PPP1R37: variants seen among roughly 807,000 people sequenced by gnomAD.
PPP1R37 encodes leucine rich repeat containing 68.
In PPP1R37, 21 loss-of-function variants were observed where a neutral mutation model predicts 61.0. The ratio of observed to expected loss-of-function variants is 0.34; its 90% CI spans 0.24 to 0.50. PPP1R37 has a LOEUF of 0.50. Among genes scored for constraint, PPP1R37 ranks in the 20% least tolerant of loss-of-function variants. The pLI, the probability that PPP1R37 is intolerant of heterozygous loss-of-function variation, is 0.98. For synonymous variants in PPP1R37, 443 were observed against 433.5 expected, an observed-to-expected ratio of 1.02 and a Z score of -0.27; for missense variants, 910 against 952.7, an observed-to-expected ratio of 0.96 and a Z score of 0.59.
intron 2 of PPP1R37, among the ~76,000 whole-genome samples, chr19:45,138,869 G>A (rs192974816): frequency 1.3e-5 from 2 of 148,702 alleles, no homozygotes; most frequent in East Asian, 2.0e-4. Context: ...GCATATCTAC[G>A]ATTCTTGTGA....
At chr19:45,126,060 G>A (rs921091232) in intron 1 of PPP1R37, among the ~76,000 whole-genome samples, 1 of 152,198 alleles carries the variant, frequency 6.6e-6, no homozygotes, top group African/African-American at 2.4e-5. Flanking sequence ...TGCCCAAGTC[G>A]TGGGGGCTGA....
chr19:45,144,526 C>G, intron 8 of PPP1R37: 1 of 345,958 alleles, frequency 2.9e-6, no homozygotes, highest in Non-Finnish European at 5.2e-6. Flanking sequence ...GCTCAAACCC[C>G]GGGATAAGAG....
In PPP1R37 at chr19:45,093,269, A is replaced by T. The variant is rs1465640561; in HGVS notation, c.-57A>T. On this transcript the variant is annotated 5_prime_UTR_variant, in exon 1 of 13. Transcript: ENST00000221462. Reference sequence around the variant, plus strand: ...CGGGACGGCGGGCGGACCCGGAGAGACAAATCCGGGGCCCGGGGCATGTCC... The same window carrying T: ...CGGGACGGCGGGCGGACCCGGAGAGTCAAATCCGGGGCCCGGGGCATGTCC... 2.4e-5 allele frequency: 31 copies of T among 1,302,006 alleles called. No homozygotes were observed. In the Admixed American group the frequency reaches 1.2e-3, roughly 51 times the overall value. The allele number at this position is 1,302,006 out of a possible 1,614,324, so 80.7% of individuals were successfully genotyped here.
intron 1 of PPP1R37, among the ~76,000 whole-genome samples, chr19:45,106,248 GTTTTTT>G (rs796161917): frequency 7.3e-5 from 11 of 149,858 alleles, no homozygotes; most frequent in Admixed American, 4.7e-4. Context: ...TTTTGTTTTT[GTTTTTT>G]TTTTGAGATG....
chr19:45,095,757 T>A, intron 1 of PPP1R37, among the ~76,000 whole-genome samples: 1 of 113,988 alleles, frequency 8.8e-6, no homozygotes, highest in Non-Finnish European at 2.0e-5. Flanking sequence ...AGACCCGGTC[T>A]TAAAAAAAAA....
intron 1 of PPP1R37, among the ~76,000 whole-genome samples, chr19:45,134,987 C>T (rs28620490): frequency 0.09 from 13,622 of 152,168 alleles, 740 homozygotes; most frequent in South Asian, 0.13. Flanking sequence ...CGGTGGCTCA[C>T]GCCTGTAATC....
intron 1 of PPP1R37, among the ~76,000 whole-genome samples, chr19:45,105,383 G>T (rs1181115526): frequency 6.6e-6 from 1 of 152,120 alleles, no homozygotes; most frequent in Non-Finnish European, 1.5e-5. Flanking sequence ...CCTCTCTGTG[G>T]GGCAGGATGG....
At chr19:45,114,042 G>A (rs1599695745) in intron 1 of PPP1R37, among the ~76,000 whole-genome samples, 2 of 152,340 alleles carry the variant, frequency 1.3e-5, no homozygotes, top group Admixed American at 6.5e-5. Flanking sequence ...CGTTTGCCAC[G>A]CGCCAGCCCC....
Position 45,138,905 on chromosome 19 carries a change from C to CTTTTTTTTTTTTTTTTTTT in PPP1R37, c.300+301_300+319dup, listed in dbSNP as rs34081163. Among the ~76,000 whole-genome samples, 10 of 73,052 alleles carry CTTTTTTTTTTTTTTTTTTT rather than the reference C, an allele frequency of 1.4e-4. 1 individual carries two copies. The highest frequency in any genetic ancestry group is 4.8e-4 in the African/African-American group (9 of 18,672). The allele number at this position is 73,052 out of a possible 152,430, so 47.9% of individuals were successfully genotyped here. On this transcript the variant is annotated intron_variant, in intron 2 of 12. Coordinates refer to ENST00000221462, the MANE Select transcript of PPP1R37 (RefSeq NM_019121.2). ...GTCTGAATTACAAAATTTATGTATT[C>CTTTTTTTTTTTTTTTTTTT]TTTTTTTTTTTTTTTTTTTTTTTTT...
At chr19:45,127,237 T>C (rs757270206) in intron 1 of PPP1R37, among the ~76,000 whole-genome samples, 24 of 151,090 alleles carry the variant, frequency 1.6e-4, no homozygotes, top group Non-Finnish European at 2.9e-4. Flanking sequence ...TAATCTCAGC[T>C]ACTCGGAAGG....
chr19:45,116,576 G>C (rs1457112049), intron 1 of PPP1R37, among the ~76,000 whole-genome samples: 1 of 152,216 alleles, frequency 6.6e-6, no homozygotes, highest in Non-Finnish European at 1.5e-5. Flanking sequence ...GGCCATCCCA[G>C]CCTCCCCTGA....
chr19:45,139,263 TA>T (rs1193456946), intron 2 of PPP1R37, among the ~76,000 whole-genome samples: 6 of 152,208 alleles, frequency 3.9e-5, no homozygotes, highest in Non-Finnish European at 8.8e-5. Flanking sequence ...TCCTCAGATT[TA>T]AAAAAATAAA....
intron 1 of PPP1R37, among the ~76,000 whole-genome samples, chr19:45,119,658 T>G (rs1192169666): frequency 6.6e-6 from 1 of 152,148 alleles, no homozygotes; most frequent in Non-Finnish European, 1.5e-5. Flanking sequence ...TGTGAAACAG[T>G]GGGAACACTC....
intron 1 of PPP1R37, among the ~76,000 whole-genome samples, chr19:45,095,283 T>C (rs578112193): frequency 8.7e-4 from 132 of 151,376 alleles, no homozygotes; most frequent in African/African-American, 3.0e-3. Context: ...CAGGCACCTG[T>C]CATCACACCT....
At chr19:45,094,329 T>C (rs575474182) in intron 1 of PPP1R37, among the ~76,000 whole-genome samples, 1 of 151,856 alleles carries the variant, frequency 6.6e-6, no homozygotes, top group Non-Finnish European at 1.5e-5. Flanking sequence ...CGCCGCCTCC[T>C]CCTCCAAAAA....
chr19:45,146,002 C>T lies in PPP1R37; in HGVS notation c.1946C>T (p.Pro649Leu), dbSNP rs904543657. 1.6e-5 allele frequency: 25 copies of T among 1,533,426 alleles called. No homozygotes were observed. The highest frequency in any genetic ancestry group is 1.7e-4 in the Middle Eastern group (1 of 5,992). The allele number at this position is 1,533,426 out of a possible 1,614,324, so 95.0% of individuals were successfully genotyped here. Reference protein sequence around the residue: ...PEFALALPPEPPPGPEVKGGS... With the variant: ...PEFALALPPELPPGPEVKGGS... The stretch of plus-strand genomic sequence containing the variant: ...TTCGCCCTGGCACTGCCCCCTGAGC[C>T]GCCCCCGGGGCCTGAGGTCAAGGGG... The change falls in exon 11 of 13, where the codon CCG becomes CTG. Residue 649 changes from proline to leucine, a missense_variant. This residue lies in a region of PPP1R37 where 549 missense variants were observed against 505.1 expected (regional missense o/e 1.09). Transcript: ENST00000221462.
At chr19:45,141,622 C>T (rs184977726) in intron 5 of PPP1R37, among the ~76,000 whole-genome samples, 181 bp downstream of exon 5, 386 of 152,330 alleles carry the variant, frequency 2.5e-3, no homozygotes, top group African/African-American at 9.1e-3. Flanking sequence ...GGCCCCCAGG[C>T]CCCCTGGCCC....
intron 1 of PPP1R37, among the ~76,000 whole-genome samples, chr19:45,133,380 G>C (rs1290420939): frequency 6.6e-6 from 1 of 152,162 alleles, no homozygotes; most frequent in Non-Finnish European, 1.5e-5. Flanking sequence ...CACCGCGCCC[G>C]GCCCAGAATT....
chr19:45,142,415 C>T lies in PPP1R37; in HGVS notation c.831C>T (p.Ser277=). The part of the protein sequence containing the change: ...QLGNLLKFNC[S]LQILDLRNNH... The stretch of plus-strand genomic sequence containing the variant: ...GTAACCTGCTCAAGTTCAACTGCTC[C>T]CTGCAGATCCTGGACCTCCGGAACA... Residue 277 remains serine (S), a synonymous_variant, in exon 7 of 13, where the codon TCC becomes TCT. Coordinates refer to ENST00000221462, the MANE Select transcript of PPP1R37 (RefSeq NM_019121.2). 6.5e-7 allele frequency: 1 copy of T among 1,536,132 alleles called. No individual in the cohort carries two copies. The highest frequency in any genetic ancestry group is 1.2e-5 in the South Asian group (1 of 84,066).
Sources: gnomAD v4.1 joint callset for allele counts (sites outside exome capture counted in the v4.1 genomes callset) on GRCh38, gnomAD v4.1.1 for gene constraint, gnomAD v4.1.1 regional missense constraint, MANE v1.5 for transcripts, NCBI Gene and HGNC (gene_info 2026-07-23, HGNC 2026-07-21) for gene names.